The following CLDN14 variants were observed in gnomAD, a reference collection of about 807,000 sequenced individuals.
CLDN14 encodes the protein claudin-14.
A neutral mutation model predicts 2.1 loss-of-function variants in CLDN14; 2 were observed. The ratio of observed to expected loss-of-function variants is 0.96; its 90% CI spans 0.39 to 3.01. The LOEUF (loss-of-function observed/expected upper bound fraction) is 3.01. CLDN14 is among the 30% of genes most tolerant of loss of function. CLDN14 has a pLI of 0.09. For synonymous variants in CLDN14, 136 were observed against 154.4 expected (o/e 0.88, Z 0.88); for missense variants, 298 against 328.0 (o/e 0.91, Z 0.71).
At chr21:36,467,870 G>A (rs909933744) in intron 1 of CLDN14, among the ~76,000 whole-genome samples, 2 of 152,186 alleles carry the variant, frequency 1.3e-5, no homozygotes, top group African/African-American at 4.8e-5. Context: ...TGGGAGGGGT[G>A]GAGGACATCA....
intron 1 of CLDN14, among the ~76,000 whole-genome samples, chr21:36,535,625 C>T (rs982464560): frequency 6.6e-6 from 1 of 152,032 alleles, no homozygotes; most frequent in Admixed American, 6.6e-5. Flanking sequence ...ATGTTTTATT[C>T]TAGAAAGGAG....
rs1406820852 is a variant in CLDN14, at chr21:36,551,664, G to T, written c.-220+24747C>A. On this transcript the variant is annotated intron_variant, in intron 1 of 2. Coordinates refer to the CLDN14 transcript ENST00000342108. This position sits in a 1 kb window ranked among gnomAD's most constrained non-coding sequence, Gnocchi z 4.8. ...ACCCTGAGCCAGCCCTGTTGCAACA[G>T]CTCCTCCTGAAGATCCCAGATGCTC... Among the ~76,000 whole-genome samples the T allele has an allele frequency of 6.6e-6, 1 of 152,150 alleles. No homozygotes were observed. The highest frequency in any genetic ancestry group is 1.9e-4 in the East Asian group (1 of 5,190).
At chr21:36,481,729 G>A (rs1299495508), upstream of CLDN14, among the ~76,000 whole-genome samples, 3 of 152,228 alleles carry the variant, frequency 2.0e-5, no homozygotes, top group African/African-American at 7.2e-5. Context: ...TCCCTGACCT[G>A]TGACCCTGGC....
rs1304106849 is a variant in CLDN14, at chr21:36,498,955, C to T, written c.-82+11408G>A. ...GGGTACTTTTTGTAATTCAGCCACCCAGATGGGAGTGTCCTCTTGCACTCC... is the reference window on the plus strand; with the variant it reads ...GGGTACTTTTTGTAATTCAGCCACCTAGATGGGAGTGTCCTCTTGCACTCC... On this transcript the variant is annotated intron_variant, in intron 2 of 2. Transcript: ENST00000342108. This position sits in a 1 kb window ranked among gnomAD's most constrained non-coding sequence, Gnocchi z 4.9. 6.6e-6 allele frequency among the ~76,000 whole-genome samples: 1 copy of T among 152,172 alleles called. No homozygotes were observed. The highest frequency in any genetic ancestry group is 1.9e-4 in the East Asian group (1 of 5,192).
rs2087565454 is a variant in CLDN14, at chr21:36,551,846, G to A, written c.-220+24565C>T. Among the ~76,000 whole-genome samples, 2 of 152,204 alleles carry A rather than the reference G, an allele frequency of 1.3e-5. No individual in the cohort carries two copies. Among genetic ancestry groups the A allele is most frequent in the Non-Finnish European group, 2.9e-5 (2 of 68,040 alleles). ...TGCAACTGCTCCTGTCCTGTCGGTC[G>A]AGAGGAGAGTGCAGCATGACCCAAC... is the stretch of plus-strand genomic sequence containing the variant. On this transcript the variant is annotated intron_variant, in intron 1 of 2. Transcript: ENST00000342108. The surrounding 1 kb of genome is among the most constrained non-coding windows in gnomAD (Gnocchi z 4.8).
At chr21:36,566,062 G>A (rs1436096675) in intron 1 of CLDN14, among the ~76,000 whole-genome samples, 1 of 152,166 alleles carries the variant, frequency 6.6e-6, no homozygotes, top group South Asian at 2.1e-4. Context: ...ATATTAGCAT[G>A]TCTAATTTTA....
intron 1 of CLDN14, among the ~76,000 whole-genome samples, chr21:36,527,950 C>T (rs1373916494): frequency 3.3e-5 from 5 of 152,090 alleles, no homozygotes; most frequent in South Asian, 2.1e-4. Flanking sequence ...GATGCTGAGG[C>T]GAGGACAAAA....
chr21:36,483,113 C>G (rs2086863979), upstream of CLDN14, among the ~76,000 whole-genome samples: 1 of 152,208 alleles, frequency 6.6e-6, no homozygotes, highest in African/African-American at 2.4e-5. Context: ...TTCGTGGGCT[C>G]CTACCACTAC....
chr21:36,503,511 C>A (rs2087106455), intron 2 of CLDN14, among the ~76,000 whole-genome samples: 2 of 152,196 alleles, frequency 1.3e-5, no homozygotes, highest in African/African-American at 4.8e-5. Flanking sequence ...GTTTCCCTCA[C>A]AAGCTCTCTC....
intron 1 of CLDN14, among the ~76,000 whole-genome samples, chr21:36,560,549 A>G (rs1168497258): frequency 6.6e-6 from 1 of 152,202 alleles, no homozygotes; most frequent in Non-Finnish European, 1.5e-5. Flanking sequence ...TTTTACATGA[A>G]TAGATTTTTG....
chr21:36,511,489 A>G (rs868712946), intron 1 of CLDN14, among the ~76,000 whole-genome samples: 10 of 152,180 alleles, frequency 6.6e-5, no homozygotes, highest in Non-Finnish European at 5.9e-5. Context: ...TGATTGAACA[A>G]AAAGTTTCCT....
At chr21:36,496,735 G>A (rs1324769866) in intron 2 of CLDN14, among the ~76,000 whole-genome samples, 156 of 2,116 alleles carry the variant, frequency 0.074, 2 homozygotes, top group Non-Finnish European at 0.21. Context: ...GGGAGGAAGG[G>A]AGGGAGGAAG....
At chr21:36,555,328 G>C (rs531819351) in intron 1 of CLDN14, among the ~76,000 whole-genome samples, 161 of 152,220 alleles carry the variant, frequency 1.1e-3, no homozygotes, top group Non-Finnish European at 1.9e-3. Flanking sequence ...TCTTGGGTCT[G>C]GGTGACCCGT....
At chr21:36,476,455 A>AT (rs11457181) in intron 1 of CLDN14, among the ~76,000 whole-genome samples, 84,432 of 142,434 alleles carry the variant, frequency 0.59, 25,536 homozygotes, top group Non-Finnish European at 0.67. Flanking sequence ...ATGGATGACT[A>AT]TTTTTTTTTT....
rs1395016125 is a variant in CLDN14, at chr21:36,523,777, A to AAGAAAGAGAGAGAGAGAGAGAG, written c.-219-13278_-219-13277insCTCTCTCTCTCTCTCTCTTTCT. Among the ~76,000 whole-genome samples the AAGAAAGAGAGAGAGAGAGAGAG allele has an allele frequency of 2.0e-3, 141 of 68,920 alleles. 17 individuals are homozygous for AAGAAAGAGAGAGAGAGAGAGAG. Among genetic ancestry groups the AAGAAAGAGAGAGAGAGAGAGAG allele is most frequent in the African/African-American group, 4.2e-3 (65 of 15,500 alleles). 45.2% of individuals were successfully genotyped at this position (68,920 alleles called of 152,430 possible). A position where few individuals can be genotyped will look rare whatever the true frequency, so the allele number is the denominator to read the frequency against. ...AAAAAAAAAAAGAAAGAAAGAGAGA[A>AAGAAAGAGAGAGAGAGAGAGAG]AGAGAGAAAGAAAGAAAGAAAGAAA... is the stretch of plus-strand genomic sequence containing the variant. On this transcript the variant is annotated intron_variant, in intron 1 of 2. Coordinates refer to the CLDN14 transcript ENST00000342108.
intron 1 of CLDN14, among the ~76,000 whole-genome samples, chr21:36,473,226 G>T (rs543215915): frequency 6.6e-6 from 1 of 152,292 alleles, no homozygotes; most frequent in East Asian, 1.9e-4. Flanking sequence ...TGGGACTACA[G>T]GCATGTGCCA....
At chr21:36,470,267 A>G (rs983961893) in intron 1 of CLDN14, among the ~76,000 whole-genome samples, 3 of 152,156 alleles carry the variant, frequency 2.0e-5, no homozygotes, top group African/African-American at 7.2e-5. Context: ...GTCATTGCAG[A>G]TGTAATTAGT....
chr21:36,532,946 G>A (rs2087392615), intron 1 of CLDN14, among the ~76,000 whole-genome samples: 2 of 152,036 alleles, frequency 1.3e-5, no homozygotes, highest in South Asian at 4.1e-4. Context: ...CTGTATCATG[G>A]GCTATCTAAC....
At chr21:36,567,363 C>A (rs1299308355) in intron 1 of CLDN14, among the ~76,000 whole-genome samples, 1 of 152,182 alleles carries the variant, frequency 6.6e-6, no homozygotes, top group African/African-American at 2.4e-5. Context: ...GATAGAGAAG[C>A]CCAGAGGGGC....
Sources: allele counts gnomAD v4.1 joint callset (sites outside exome capture counted in the v4.1 genomes callset), GRCh38; gene constraint gnomAD v4.1.1; non-coding constraint Gnocchi (gnomAD v3.1); transcripts MANE v1.5; gene names NCBI Gene and HGNC (gene_info 2026-07-23, HGNC 2026-07-21).